The following SNX6 variants were observed in gnomAD, a reference collection of about 807,000 sequenced individuals.
SNX6 encodes the protein sorting nexin-6.
In SNX6, 34 loss-of-function variants were observed where a neutral mutation model predicts 63.0. The observed-to-expected ratio is 0.54, with a 90% CI of 0.41 to 0.72. The LOEUF (loss-of-function observed/expected upper bound fraction) is 0.72, where lower values mean the gene tolerates loss of function less well. SNX6 is among the 30% of genes least tolerant of loss of function. The probability of loss-of-function intolerance (pLI) is 0.00; values close to 1 mark genes in which losing one functional copy is unlikely to be tolerated. For synonymous variants in SNX6, 170 were observed against 164.2 expected (o/e 1.04, Z -0.27); for missense variants, 398 against 471.4 (o/e 0.84, Z 1.44).
At chr14:34,615,791 A>G (rs1883396495) in intron 2 of SNX6, among the ~76,000 whole-genome samples, 1 of 152,088 alleles carries the variant, frequency 6.6e-6, no homozygotes, top group African/African-American at 2.4e-5. Flanking sequence ...TGACTGGCCT[A>G]AGTCCTATTT....
At chr14:34,569,944 G>C (rs1054219576) in intron 11 of SNX6, among the ~76,000 whole-genome samples, 4 of 152,124 alleles carry the variant, frequency 2.6e-5, no homozygotes, top group Admixed American at 6.6e-5. Context: ...TCAAACCTTT[G>C]AGTAACTGCC....
intron 2 of SNX6, among the ~76,000 whole-genome samples, chr14:34,627,174 C>T (rs1883859370): frequency 1.3e-5 from 2 of 152,278 alleles, no homozygotes; most frequent in East Asian, 1.9e-4. Flanking sequence ...TGGCCAGGCG[C>T]GGTGGCTCAC....
chr14:34,569,341 T>C (rs1881336900), intron 11 of SNX6, among the ~76,000 whole-genome samples: 1 of 152,136 alleles, frequency 6.6e-6, no homozygotes, highest in Non-Finnish European at 1.5e-5. Flanking sequence ...TAACAGCCAC[T>C]TGCCATTTCC....
chr14:34,620,382 A>G (rs932626502), intron 2 of SNX6, among the ~76,000 whole-genome samples: 1 of 152,126 alleles, frequency 6.6e-6, no homozygotes, highest in Non-Finnish European at 1.5e-5. Context: ...TGGGAAGCTG[A>G]GGTGGGAGGA....
intron 11 of SNX6, 97 bp downstream of exon 11, chr14:34,575,659 T>C (rs1881664779): frequency 1.8e-6 from 1 of 544,792 alleles, no homozygotes; most frequent in South Asian, 2.2e-5. Context: ...TTTAAAATCA[T>C]ATAAAGGAGA....
chr14:34,565,482 C>T (rs115160663), intron 13 of SNX6, among the ~76,000 whole-genome samples: 2,789 of 152,176 alleles, frequency 0.018, 77 homozygotes, highest in African/African-American at 0.063. Context: ...TTACCAACCC[C>T]TGATCTACAG....
chr14:34,588,663 T>C (rs1594717069), intron 8 of SNX6, among the ~76,000 whole-genome samples: 2 of 152,102 alleles, frequency 1.3e-5, no homozygotes, highest in East Asian at 3.8e-4. Context: ...CTGAGATAAA[T>C]TAACGAAGAC....
chr14:34,611,400 C>A (rs1883221759), intron 2 of SNX6, among the ~76,000 whole-genome samples: 2 of 150,202 alleles, frequency 1.3e-5, no homozygotes, highest in African/African-American at 2.5e-5. Context: ...TGGCTTGAGC[C>A]CAAGAGGTGG....
rs531043870 is a variant in SNX6 at position 34,628,676 on chromosome 14, TACTA to T, written c.54+1227_54+1230del. Among the ~76,000 whole-genome samples, 168 of 152,290 alleles carry T rather than the reference TACTA, an allele frequency of 1.1e-3. 1 individual carries two copies. Among genetic ancestry groups the T allele is most frequent in the African/African-American group, 3.5e-3 (147 of 41,566 alleles). On this transcript the variant is annotated intron_variant, in intron 2 of 13. Coordinates refer to ENST00000362031, the MANE Select transcript of SNX6 (RefSeq NM_152233.4). ...AAGTTTTATAAAAGTCATCAGTTCA[TACTA>T]ACTACCTCATCTGTTATTACAAACA...
At chr14:34,602,576 G>A (rs1444917857) in intron 6 of SNX6, among the ~76,000 whole-genome samples, 1 of 131,252 alleles carries the variant, frequency 7.6e-6, no homozygotes, top group South Asian at 2.7e-4. Flanking sequence ...GGACGACAGA[G>A]CAAGACTCTG....
intron 6 of SNX6, among the ~76,000 whole-genome samples, chr14:34,599,373 A>G (rs1261230513): frequency 6.6e-6 from 1 of 152,188 alleles, no homozygotes; most frequent in East Asian, 1.9e-4. Context: ...TGTGAGGCCA[A>G]GGCGGGTGAA....
At chr14:34,585,995 C>T (rs1363044066) in intron 9 of SNX6, among the ~76,000 whole-genome samples, 2 of 152,092 alleles carry the variant, frequency 1.3e-5, no homozygotes, top group Non-Finnish European at 2.9e-5. Context: ...ACCTCTGCCT[C>T]CCAGGTTCAA....
intron 2 of SNX6, chr14:34,629,370 C>G (rs1883948859): frequency 2.5e-6 from 1 of 399,374 alleles, no homozygotes; most frequent in Non-Finnish European, 5.1e-6. Context: ...CATGGGCTAC[C>G]TGCACTTTGC....
chr14:34,587,249 A>T (rs976978647), intron 8 of SNX6, among the ~76,000 whole-genome samples: 1 of 151,318 alleles, frequency 6.6e-6, no homozygotes, highest in African/African-American at 2.4e-5. Context: ...AAAACATAAC[A>T]TGGCCGGGCA....
At position 34,622,474 on chromosome 14, in the gene SNX6, T is replaced by C. The variant is rs528265561; in HGVS notation, c.54+7433A>G. Among the ~76,000 whole-genome samples, 408 of 149,468 alleles carry C rather than the reference T, an allele frequency of 2.7e-3. 5 individuals carry two copies. The highest frequency in any genetic ancestry group is 9.9e-3 in the African/African-American group (400 of 40,428). ...GGCGGGCACCTGTAGTCCCAGCTAC[T>C]CGGGACGCTGAGGCAGGAGAATGGC... On this transcript the variant is annotated intron_variant, in intron 2 of 13. Transcript: ENST00000362031.
intron 6 of SNX6, among the ~76,000 whole-genome samples, chr14:34,598,744 C>A (rs1882695588): frequency 6.6e-6 from 1 of 152,148 alleles, no homozygotes; most frequent in South Asian, 2.1e-4. Flanking sequence ...CTGAGCCAGG[C>A]ACAGTGGCTC....
chr14:34,591,628 G>A (rs1166053794), intron 8 of SNX6, among the ~76,000 whole-genome samples: 1 of 152,084 alleles, frequency 6.6e-6, no homozygotes, highest in Non-Finnish European at 1.5e-5. Flanking sequence ...TGGCAGGAAA[G>A]AACATACAGA....
intron 1 of SNX6, 59 bp downstream of exon 1, chr14:34,630,052 G>T (rs1015294907): frequency 2.1e-6 from 3 of 1,454,006 alleles, no homozygotes; most frequent in Admixed American, 3.0e-5. Flanking sequence ...CCCCGCGCCC[G>T]CCCCGCGCCC....
At chr14:34,588,909 C>T (rs1205252873) in intron 8 of SNX6, among the ~76,000 whole-genome samples, 3 of 151,910 alleles carry the variant, frequency 2.0e-5, no homozygotes, top group Non-Finnish European at 2.9e-5. Context: ...TGAGGCAGGT[C>T]GATCACATGA....
Sources: gnomAD v4.1 joint callset for allele counts (sites outside exome capture counted in the v4.1 genomes callset) on GRCh38, gnomAD v4.1.1 for gene constraint, MANE v1.5 for transcripts, NCBI Gene and HGNC (gene_info 2026-07-23, HGNC 2026-07-21) for gene names.